IPO7: variants seen among roughly 807,000 people sequenced by gnomAD.
IPO7 encodes importin 7, also known as importin-7.
IPO7 carries 13 observed loss-of-function variants against 136.4 expected under a neutral mutation model. The observed-to-expected ratio is 0.10, with a 90% CI of 0.06 to 0.15. IPO7 has a LOEUF of 0.15. Among genes scored for constraint, IPO7 ranks in the 10% least tolerant of loss-of-function variants. The pLI, the probability that IPO7 is intolerant of heterozygous loss-of-function variation, is 1.00. For missense variants in IPO7, 857 were observed against 1,240.6 expected (o/e 0.69, Z 4.65); for synonymous variants, 403 against 404.4 (o/e 1.00, Z 0.04).
chr11:9,447,987 A>C lies in IPO7; in HGVS notation c.*2793A>C, dbSNP rs1470974827. On this transcript the variant is annotated 3_prime_UTR_variant, in exon 25 of 25. Transcript: ENST00000379719. ...GCAAGCATAAAGAAAAATGAATTAA[A>C]AATTAAATTAATATGGAAAGTTAAA... 4 of 152,186 alleles carry C rather than the reference A, an allele frequency of 2.6e-5. No homozygotes were observed. Among genetic ancestry groups the C allele is most frequent in the African/African-American group, 4.8e-5 (2 of 41,446 alleles). The allele number at this position is 152,186 out of a possible 1,614,324, so 9.4% of individuals were successfully genotyped here. A position where few individuals can be genotyped will look rare whatever the true frequency, so the allele number is the denominator to read the frequency against.
At chr11:9,423,635 G>C (rs1855164596) in intron 9 of IPO7, 142 bp from the exon 10 acceptor site, 1 of 571,808 alleles carries the variant, frequency 1.7e-6, no homozygotes. Context: ...GTTGATCTTA[G>C]AACACATTAA....
rs1405424473 is a variant in IPO7, at chr11:9,429,841, T to G, written c.1752+7T>G. 1 of 1,571,432 alleles carries G rather than the reference T, an allele frequency of 6.4e-7. No homozygotes were observed. The highest frequency in any genetic ancestry group is 2.0e-5 in the Admixed American group (1 of 50,216). On this transcript the variant is annotated splice_region_variant and intron_variant, in intron 15 of 24. Transcript: ENST00000379719. The stretch of plus-strand genomic sequence containing the variant: ...AGAAATGACACAACATTTGGTATGT[T>G]GTTTGAACCTACCATATTTGCAAGC...
At chr11:9,441,875 T>G (rs1052374315) in intron 23 of IPO7, among the ~76,000 whole-genome samples, 12 of 152,362 alleles carry the variant, frequency 7.9e-5, no homozygotes, top group African/African-American at 2.6e-4. Flanking sequence ...TTAGAGTTTT[T>G]GGAGCCATAA....
chr11:9,420,997 T>C (rs1156381946), intron 8 of IPO7, among the ~76,000 whole-genome samples: 1 of 152,152 alleles, frequency 6.6e-6, no homozygotes, highest in Non-Finnish European at 1.5e-5. Flanking sequence ...TTTCTCTTGT[T>C]GCCCAGGTTG....
At chr11:9,427,420 C>A (rs1463084990) in intron 12 of IPO7, among the ~76,000 whole-genome samples, 1 of 151,600 alleles carries the variant, frequency 6.6e-6, no homozygotes, top group Non-Finnish European at 1.5e-5. Context: ...GCCACCACAC[C>A]AGCTAATTTT....
Position 9,423,059 on chromosome 11 carries a change from A to G in IPO7, c.960A>G (p.Arg320=). Residue 320 remains arginine (R), a synonymous_variant, in exon 9 of 25, where the codon CGA becomes CGG. Coordinates refer to ENST00000379719, the MANE Select transcript of IPO7 (RefSeq NM_006391.3). ...QYKEKQYMAP[R]VLQQTLNYIN... ...AGGAGAAGCAATATATGGCTCCTCG[A>G]GTTTTACAACAGACATTAAATTATA... The G allele has an allele frequency of 6.2e-7, 1 of 1,601,960 alleles. No homozygotes were observed. Among genetic ancestry groups the G allele is most frequent in the Non-Finnish European group, 8.5e-7 (1 of 1,170,676 alleles).
At chr11:9,426,699 T>C (rs973105296) in intron 12 of IPO7, among the ~76,000 whole-genome samples, 3 of 152,354 alleles carry the variant, frequency 2.0e-5, no homozygotes, top group East Asian at 1.9e-4. Context: ...GTTTGTATAT[T>C]TTCTTTAGAG....
intron 12 of IPO7, among the ~76,000 whole-genome samples, chr11:9,426,205 T>C (rs1428980496): frequency 6.6e-6 from 1 of 152,198 alleles, no homozygotes; most frequent in Non-Finnish European, 1.5e-5. Context: ...AACCCTAGGC[T>C]ACCTATAGTC....
chr11:9,408,704 GTTTTTTTTTTTTTTT>G, intron 3 of IPO7, 65 bp downstream of exon 3: 1 of 172,850 alleles, frequency 5.8e-6, no homozygotes, highest in Non-Finnish European at 8.8e-6. Context: ...TTGTTTTTTG[GTTTTTTTTTTTTTTT>G]TTTTTTTTTT....
intron 23 of IPO7, among the ~76,000 whole-genome samples, 182 bp from the exon 24 acceptor site, chr11:9,441,895 GTAGT>G (rs1855463960): frequency 6.6e-6 from 1 of 152,136 alleles, no homozygotes. Context: ...AAGATAAGCT[GTAGT>G]TAATTTTTAT....
rs1229939961 is a variant in IPO7 at position 9,433,801 on chromosome 11, C to T, written c.2029C>T (p.Leu677Phe). The T allele has an allele frequency of 2.5e-6, 4 of 1,611,514 alleles. No individual in the cohort carries two copies. Among genetic ancestry groups the T allele is most frequent in the African/African-American group, 1.3e-5 (1 of 74,842 alleles). Residue 677 changes from leucine to phenylalanine, a missense_variant, in exon 18 of 25, where the codon CTT becomes TTT. Leu to Phe is a conservative substitution (Grantham distance 22). Coordinates refer to ENST00000379719, the MANE Select transcript of IPO7 (RefSeq NM_006391.3). ...VSPQMWQLLP[L>F]VFEVFQQDGF... Reference sequence around the variant, plus strand: ...TCCACAGATGTGGCAGCTACTACCCCTTGTATTTGAAGTCTTTCAGCAAGA... The same window carrying T: ...TCCACAGATGTGGCAGCTACTACCCTTTGTATTTGAAGTCTTTCAGCAAGA...
chr11:9,430,635 A>G (rs940488150), intron 15 of IPO7: 10 of 443,754 alleles, frequency 2.3e-5, no homozygotes, highest in African/African-American at 1.2e-4. Flanking sequence ...TACGGTGTCT[A>G]TGAAATCCCC....
rs1380299771 is a variant in IPO7, at chr11:9,440,738, A to T, written c.2902+77A>T. On this transcript the variant is annotated intron_variant, in intron 23 of 24. Transcript: ENST00000379719. Reference sequence around the variant, plus strand: ...GTTTCTGCCTGCCCTTTAAAGGAAGAGTTTGGAGGATATCAAACCCAGACT... The same window carrying T: ...GTTTCTGCCTGCCCTTTAAAGGAAGTGTTTGGAGGATATCAAACCCAGACT... The T allele has an allele frequency of 2.6e-6, 3 of 1,157,578 alleles. No individual in the cohort carries two copies. In the African/African-American group the frequency reaches 4.5e-5, roughly 18 times the overall value. 71.7% of individuals were successfully genotyped at this position (1,157,578 alleles called of 1,614,324 possible). A position where few individuals can be genotyped will look rare whatever the true frequency, so the allele number is the denominator to read the frequency against.
intron 23 of IPO7, among the ~76,000 whole-genome samples, chr11:9,441,023 T>C: frequency 6.6e-6 from 1 of 152,258 alleles, no homozygotes; most frequent in Non-Finnish European, 1.5e-5. Context: ...TATCCTTTTT[T>C]CCTGCCCAAA....
chr11:9,429,668 T>G lies in IPO7; in HGVS notation c.1592-6T>G. On this transcript the variant is annotated splice_polypyrimidine_tract_variant and splice_region_variant and intron_variant, in intron 14 of 24. Coordinates refer to ENST00000379719, the MANE Select transcript of IPO7 (RefSeq NM_006391.3). ...TTACGCAAGTTTTTTACTCTTTCTC[T>G]TACAGCTAAAGAATATATCACACCA... The G allele has an allele frequency of 6.3e-7, 1 of 1,597,358 alleles. No homozygotes were observed. Among genetic ancestry groups the G allele is most frequent in the Non-Finnish European group, 8.5e-7 (1 of 1,175,958 alleles).
At chr11:9,418,134 G>A (rs540195019) in intron 6 of IPO7, among the ~76,000 whole-genome samples, 8 of 150,124 alleles carry the variant, frequency 5.3e-5, no homozygotes, top group African/African-American at 9.8e-5. Flanking sequence ...GCAGTGGTGC[G>A]ATCTCAGCTC....
Position 9,445,174 on chromosome 11 carries a change from C to CCAG in IPO7, c.3100_3102dup (p.Ala1034dup), listed in dbSNP as rs1203606745. 1 of 1,595,610 alleles carries CCAG rather than the reference C, an allele frequency of 6.3e-7. No individual in the cohort carries two copies. The highest frequency in any genetic ancestry group is 1.3e-5 in the African/African-American group (1 of 74,534). Reference sequence around the variant, plus strand: ...GCCAAGTTCTTTCAATTTTGGAGGCCCAGCACCAGGGATGAATTGAGTTAT... The same window carrying CCAG: ...GCCAAGTTCTTTCAATTTTGGAGGCCCAGCAGCACCAGGGATGAATTGAGTTAT... On this transcript the variant is annotated inframe_insertion, in exon 25 of 25. Coordinates refer to ENST00000379719, the MANE Select transcript of IPO7 (RefSeq NM_006391.3).
chr11:9,424,030 A>T (rs1308566489), intron 10 of IPO7, among the ~76,000 whole-genome samples, 154 bp downstream of exon 10: 1 of 152,208 alleles, frequency 6.6e-6, no homozygotes, highest in Non-Finnish European at 1.5e-5. Context: ...TTTATTAATT[A>T]TGACATTTGA....
At chr11:9,407,503 C>T (rs571926175) in intron 2 of IPO7, among the ~76,000 whole-genome samples, 37 of 152,158 alleles carry the variant, frequency 2.4e-4, no homozygotes, top group African/African-American at 7.7e-4. Context: ...TGCAGTGAGC[C>T]GAGATCGCAC....
Sources: gnomAD v4.1 joint callset for allele counts (sites outside exome capture counted in the v4.1 genomes callset) on GRCh38, gnomAD v4.1.1 for gene constraint, MANE v1.5 for transcripts, NCBI Gene and HGNC (gene_info 2026-07-23, HGNC 2026-07-21) for gene names.